NRXN3: variants seen among roughly 807,000 people sequenced by gnomAD.
The protein encoded by NRXN3 is neurexin III.
Under a neutral mutation model 137.6 loss-of-function variants are expected in NRXN3, and 32 were observed. That is an observed-to-expected ratio of 0.23 (90% confidence interval 0.18 to 0.31). The LOEUF is 0.31. NRXN3 is among the 10% of genes least tolerant of loss of function. The pLI, the probability that NRXN3 is intolerant of heterozygous loss-of-function variation, is 1.00. For synonymous variants in NRXN3, 798 were observed against 784.5 expected (o/e 1.02, Z -0.29); for missense variants, 1,574 against 2,062.5 (o/e 0.76, Z 4.59).
At chr14:79,665,702 T>C (rs1194748001) in intron 17 of NRXN3, among the ~76,000 whole-genome samples, 1 of 152,150 alleles carries the variant, frequency 6.6e-6, no homozygotes, top group African/African-American at 2.4e-5. Context: ...AATCTACAAG[T>C]TTGCTGCCAG....
intron 15 of NRXN3, among the ~76,000 whole-genome samples, chr14:79,403,612 G>C (rs914174164): frequency 5.9e-5 from 9 of 152,142 alleles, no homozygotes; most frequent in Non-Finnish European, 1.2e-4. Flanking sequence ...AGTGAGTAAA[G>C]ACCTCCTACT....
intron 14 of NRXN3, among the ~76,000 whole-genome samples, chr14:78,970,943 G>A (rs970443801): frequency 1.2e-4 from 19 of 152,274 alleles, no homozygotes; most frequent in Non-Finnish European, 2.2e-4. Flanking sequence ...TGCCTACCCC[G>A]CTGGGTGGGA....
intron 15 of NRXN3, among the ~76,000 whole-genome samples, chr14:79,425,369 T>G (rs1342797221): frequency 6.6e-6 from 1 of 152,144 alleles, no homozygotes. Context: ...TTATGTACCT[T>G]TTTTACTATG....
At chr14:78,716,633 G>A (rs2098435395) in intron 8 of NRXN3, among the ~76,000 whole-genome samples, 1 of 152,166 alleles carries the variant, frequency 6.6e-6, no homozygotes, top group Admixed American at 6.5e-5. Context: ...AGGTGATGTG[G>A]ATGGATCCTG....
At chr14:78,602,949 A>G (rs1452931517) in intron 4 of NRXN3, among the ~76,000 whole-genome samples, 1 of 152,060 alleles carries the variant, frequency 6.6e-6, no homozygotes, top group Non-Finnish European at 1.5e-5. Context: ...GAGTGTCAGG[A>G]GCCTGCAGGC....
Position 79,047,909 on chromosome 14 carries a change from C to T in NRXN3, c.3262+59768C>T, listed in dbSNP as rs185449230. On this transcript the variant is annotated intron_variant, in intron 15 of 20. Transcript: ENST00000335750. ...TAAACATAAATCTAAACTAAGACTT[C>T]GTAAGTTTACTTTTACATATTTATC... 8.5e-5 allele frequency among the ~76,000 whole-genome samples: 13 copies of T among 152,114 alleles called. No homozygotes were observed. The East Asian group carries it at 9.7e-4, about 11-fold the overall frequency.
intron 1 of NRXN3, among the ~76,000 whole-genome samples, chr14:78,236,401 G>A (rs2066305599): frequency 6.6e-6 from 1 of 152,162 alleles, no homozygotes; most frequent in African/African-American, 2.4e-5. Flanking sequence ...CGCTTCTGTC[G>A]AGATGAAGAG....
chr14:79,697,988 A>G lies in NRXN3; in HGVS notation c.4014+51A>G, dbSNP rs774454395. On this transcript the variant is annotated intron_variant, in intron 19 of 20. Coordinates refer to ENST00000335750, the MANE Select transcript of NRXN3 (RefSeq NM_001330195.2). ...GCGTCTGTATTTTTATCTTTGCAAC[A>G]TTGTTATCATGGTCATTGCTTTATG... 6.7e-6 allele frequency: 10 copies of G among 1,490,362 alleles called. No individual in the cohort carries two copies. The East Asian group carries it at 2.3e-4, about 34-fold the overall frequency. 92.3% of individuals were successfully genotyped at this position (1,490,362 alleles called of 1,614,324 possible). A position where few individuals can be genotyped will look rare whatever the true frequency, so the allele number is the denominator to read the frequency against.
At chr14:78,515,656 A>G (rs769192660) in intron 4 of NRXN3, among the ~76,000 whole-genome samples, 2 of 152,118 alleles carry the variant, frequency 1.3e-5, no homozygotes, top group Non-Finnish European at 2.9e-5. Flanking sequence ...GATCCAATAG[A>G]GGAAAAATAC....
intron 1 of NRXN3, among the ~76,000 whole-genome samples, chr14:78,218,637 G>A (rs1186526750): frequency 6.6e-6 from 1 of 152,220 alleles, no homozygotes; most frequent in Non-Finnish European, 1.5e-5. Flanking sequence ...GAATGAAATT[G>A]CATCACAATT....
At position 78,966,106 on chromosome 14, in the gene NRXN3, T is replaced by C. The variant is rs763359846; in HGVS notation, c.2477T>C (p.Val826Ala). The change falls in exon 12 of 21, where the codon GTT (valine) becomes GCT (alanine). Residue 826 changes from valine to alanine, a missense_variant. Physicochemically the swap from Val to Ala is moderately conservative, Grantham distance 64. Transcript: ENST00000335750. ...GIMTEKRYIS[V>A]VPSSFIGHLQ... ...ATGACTGAGAAACGCTACATCTCCG[T>C]TGTCCCCTCCAGCTTTATTGGCCAT... is the stretch of plus-strand genomic sequence containing the variant. The C allele has an allele frequency of 6.2e-7, 1 of 1,614,204 alleles. No homozygotes were observed. Among genetic ancestry groups the C allele is most frequent in the South Asian group, 1.1e-5 (1 of 91,084 alleles).
At chr14:79,058,353 T>G (rs1189779853) in intron 15 of NRXN3, among the ~76,000 whole-genome samples, 1 of 152,004 alleles carries the variant, frequency 6.6e-6, no homozygotes, top group Admixed American at 6.5e-5. Context: ...ACAAACCAAA[T>G]TCAGCAGAAG....
At chr14:79,557,112 C>G (rs2097437574) in intron 16 of NRXN3, among the ~76,000 whole-genome samples, 2 of 152,054 alleles carry the variant, frequency 1.3e-5, no homozygotes, top group Admixed American at 1.3e-4. Flanking sequence ...TCCCCCTTAG[C>G]TCTCTCTATA....
intron 4 of NRXN3, among the ~76,000 whole-genome samples, chr14:78,405,613 C>CAGG (rs1555510781): frequency 3.9e-5 from 5 of 128,872 alleles, no homozygotes; most frequent in South Asian, 2.7e-4. Flanking sequence ...GGGGAAGGGG[C>CAGG]GGGGGGGTTC....
At chr14:79,332,383 A>G (rs1300406397) in intron 15 of NRXN3, among the ~76,000 whole-genome samples, 2 of 151,862 alleles carry the variant, frequency 1.3e-5, no homozygotes, top group African/African-American at 2.4e-5. Flanking sequence ...ATCTCCTACA[A>G]CTCACCAGTA....
chr14:79,362,543 A>T (rs1309324799), intron 15 of NRXN3, among the ~76,000 whole-genome samples: 1 of 152,206 alleles, frequency 6.6e-6, no homozygotes, highest in African/African-American at 2.4e-5. Flanking sequence ...AGACATAGAC[A>T]ATATCAACAT....
chr14:79,219,839 A>G (rs1597409717), intron 15 of NRXN3, among the ~76,000 whole-genome samples: 1 of 152,214 alleles, frequency 6.6e-6, no homozygotes, highest in Non-Finnish European at 1.5e-5. Flanking sequence ...TAATGATGCT[A>G]TAGAGGCAGA....
At chr14:79,394,296 T>G (rs955368520) in intron 15 of NRXN3, among the ~76,000 whole-genome samples, 2 of 152,194 alleles carry the variant, frequency 1.3e-5, no homozygotes, top group African/African-American at 4.8e-5. Context: ...AGCTAATATT[T>G]ATCAGATATA....
chr14:79,748,732 G>A (rs1003425784), intron 19 of NRXN3, among the ~76,000 whole-genome samples: 2 of 151,906 alleles, frequency 1.3e-5, no homozygotes, highest in African/African-American at 4.8e-5. Flanking sequence ...GATTGTAATG[G>A]CTAGCACTGG....
Sources: allele counts gnomAD v4.1 joint callset (sites outside exome capture counted in the v4.1 genomes callset), GRCh38; gene constraint gnomAD v4.1.1; transcripts MANE v1.5; gene names NCBI Gene and HGNC (gene_info 2026-07-23, HGNC 2026-07-21).